ANXA9: variants seen among roughly 807,000 people sequenced by gnomAD.
The protein encoded by ANXA9 is annexin A9, also known as annexin 31.
In ANXA9, 47 loss-of-function variants were observed where a neutral mutation model predicts 51.8. The observed-to-expected ratio is 0.91, with a 90% CI of 0.72 to 1.16. The LOEUF is 1.16. ANXA9 is among the 50% of genes most tolerant of loss of function. The pLI, the probability that ANXA9 is intolerant of heterozygous loss-of-function variation, is 0.00. For missense variants in ANXA9, 361 were observed against 424.7 expected (o/e 0.85, Z 1.32); for synonymous variants, 154 against 168.7 (o/e 0.91, Z 0.68).
At chr1:150,990,569 G>A (rs1364466604) in intron 12 of ANXA9, among the ~76,000 whole-genome samples, 2 of 152,180 alleles carry the variant, frequency 1.3e-5, no homozygotes, top group African/African-American at 4.8e-5. Context: ...AACTCGGGCT[G>A]GGCGCTGTGG....
Position 150,990,243 on chromosome 1 carries a change from A to G in ANXA9, c.852+1902A>G, listed in dbSNP as rs186567522. ...GGAGGATTGCTTGAGCCCATGAATTAGAAGTTACAGTGAGCTGTGATTACT... is the reference window on the plus strand; with the variant it reads ...GGAGGATTGCTTGAGCCCATGAATTGGAAGTTACAGTGAGCTGTGATTACT... On this transcript the variant is annotated intron_variant, in intron 12 of 13. Coordinates refer to ENST00000368947, the MANE Select transcript of ANXA9 (RefSeq NM_003568.3). Among the ~76,000 whole-genome samples the G allele has an allele frequency of 1.6e-3, 239 of 151,774 alleles. 10 individuals carry two copies. Among genetic ancestry groups the G allele is most frequent in the African/African-American group, 5.6e-3 (231 of 41,260 alleles).
chr1:150,983,445 T>G lies in ANXA9; in HGVS notation c.172+11T>G, dbSNP rs958811760. 1.0e-5 allele frequency: 16 copies of G among 1,600,256 alleles called. No individual in the cohort carries two copies. Among genetic ancestry groups the G allele is most frequent in the African/African-American group, 1.3e-5 (1 of 74,600 alleles). ...CCATTACTGGCCAAGGTGAGCCCCTTTCCCCCGGCACTTGAGACTGCCTTT... is the reference window on the plus strand; with the variant it reads ...CCATTACTGGCCAAGGTGAGCCCCTGTCCCCCGGCACTTGAGACTGCCTTT... On this transcript the variant is annotated intron_variant, in intron 4 of 13. Coordinates refer to ENST00000368947, the MANE Select transcript of ANXA9 (RefSeq NM_003568.3).
At chr1:150,980,908 T>G (rs1287598872), upstream of ANXA9, among the ~76,000 whole-genome samples, 1 of 151,934 alleles carries the variant, frequency 6.6e-6, no homozygotes, top group Non-Finnish European at 1.5e-5. Flanking sequence ...TTTATTTATT[T>G]ATTTATTTTT....
chr1:150,979,486 C>G (rs1188104770), upstream of ANXA9, among the ~76,000 whole-genome samples: 1 of 152,140 alleles, frequency 6.6e-6, no homozygotes. Flanking sequence ...TCGGGGGCTC[C>G]CCTGAGTAGG....
chr1:150,986,231 T>A, intron 7 of ANXA9, 105 bp from the exon 8 acceptor site: 1 of 951,462 alleles, frequency 1.1e-6, no homozygotes, highest in South Asian at 1.4e-5. Flanking sequence ...AAGCAGGGGC[T>A]AGCAGGGCTG....
At chr1:150,993,689 C>T (rs1671763726) in intron 12 of ANXA9, among the ~76,000 whole-genome samples, 1 of 137,060 alleles carries the variant, frequency 7.3e-6, no homozygotes, top group Admixed American at 8.3e-5. Context: ...GGTTGGAGTG[C>T]AGTGGCGCGA....
chr1:150,991,198 GA>G (rs1558041169), intron 12 of ANXA9, among the ~76,000 whole-genome samples: 2 of 150,088 alleles, frequency 1.3e-5, no homozygotes, highest in Admixed American at 6.7e-5. Flanking sequence ...AATAAATAAG[GA>G]AAAAATCATG....
chr1:150,979,286 C>G (rs1427952526), upstream of ANXA9, among the ~76,000 whole-genome samples: 4 of 151,838 alleles, frequency 2.6e-5, no homozygotes, highest in Non-Finnish European at 4.4e-5. Context: ...TGGAGAGATT[C>G]GGCGTGAGGA....
At chr1:150,994,785 T>G in intron 13 of ANXA9, 86 bp downstream of exon 13, 2 of 1,554,098 alleles carry the variant, frequency 1.3e-6, no homozygotes, top group Admixed American at 1.9e-5. Context: ...CTGAGCATAT[T>G]CTTGCCCCAT....
Position 150,995,383 on chromosome 1 carries a change from C to G in ANXA9, c.*61C>G, listed in dbSNP as rs1209239136. On this transcript the variant is annotated 3_prime_UTR_variant, in exon 14 of 14. Transcript: ENST00000368947. ...TCTGAGATTTCCGTGTTTGGCTGAA[C>G]CTGGGAGACCAGCTGGGCCTCCAAG... The G allele has an allele frequency of 6.6e-7, 1 of 1,514,230 alleles. No individual in the cohort carries two copies. Among genetic ancestry groups the G allele is most frequent in the Non-Finnish European group, 9.0e-7 (1 of 1,116,724 alleles). The allele number at this position is 1,514,230 out of a possible 1,614,324, so 93.8% of individuals were successfully genotyped here.
chr1:150,987,692 C>T (rs587661367), intron 9 of ANXA9, among the ~76,000 whole-genome samples, 180 bp from the exon 10 acceptor site: 54 of 150,406 alleles, frequency 3.6e-4, no homozygotes, highest in African/African-American at 1.1e-3. Context: ...CACACCATTG[C>T]ACTCCAGCCT....
intron 5 of ANXA9, 63 bp from the exon 6 acceptor site, chr1:150,984,218 C>G: frequency 6.4e-7 from 1 of 1,561,580 alleles, no homozygotes; most frequent in South Asian, 1.1e-5. Flanking sequence ...CCCAAACCTC[C>G]CCACACTTCT....
At chr1:150,987,543 C>G (rs1280816525) in intron 9 of ANXA9, among the ~76,000 whole-genome samples, 5 of 151,740 alleles carry the variant, frequency 3.3e-5, no homozygotes, top group Admixed American at 6.6e-5. Context: ...GCCTAGCCAA[C>G]ATGGTGAAAC....
In ANXA9 at chr1:150,983,322, C is replaced by T; in HGVS notation, c.76-16C>T. On this transcript the variant is annotated splice_polypyrimidine_tract_variant and intron_variant, in intron 3 of 13. Transcript: ENST00000368947. ...GCCTGGCCCTGGCCCTTGCCAACTA[C>T]CCTGTGCTCCCACAGACTGCAGCGT... The T allele has an allele frequency of 6.2e-7, 1 of 1,613,262 alleles. No homozygotes were observed. Among genetic ancestry groups the T allele is most frequent in the Non-Finnish European group, 8.5e-7 (1 of 1,179,560 alleles).
chr1:150,986,766 C>A (rs1671570543), intron 9 of ANXA9, 105 bp downstream of exon 9: 4 of 1,152,110 alleles, frequency 3.5e-6, no homozygotes, highest in Non-Finnish European at 3.7e-6. Flanking sequence ...TCCCGCAAAC[C>A]CATCCCTGCC....
At chr1:150,986,230 C>A (rs1276777839) in intron 7 of ANXA9, 106 bp from the exon 8 acceptor site, 2 of 936,310 alleles carry the variant, frequency 2.1e-6, no homozygotes, top group African/African-American at 1.6e-5. Flanking sequence ...CAAGCAGGGG[C>A]TAGCAGGGCT....
rs776613395 is a variant in ANXA9 at position 150,986,600 on chromosome 1, AG to A, written c.557del. On this transcript the variant is annotated splice_acceptor_variant, in intron 8 of 13. Transcript: ENST00000368947. LOFTEE classifies it high-confidence loss of function. Reference sequence around the variant, plus strand: ...CCCTCTAAGAACAGTTTCTCCTCCTAGGGGGGCCGTGACAGCTACTCTGGAA... The same window carrying A: ...CCCTCTAAGAACAGTTTCTCCTCCTAGGGGGCCGTGACAGCTACTCTGGAA... 17 of 1,607,460 alleles carry A rather than the reference AG, an allele frequency of 1.1e-5. No individual in the cohort carries two copies. Among genetic ancestry groups the A allele is most frequent in the African/African-American group, 2.7e-5 (2 of 74,394 alleles).
Position 150,983,397 on chromosome 1 carries a change from G to T in ANXA9, c.135G>T (p.Lys45Asn). Residue 45 changes from lysine (K) to asparagine (N), a missense_variant, in exon 4 of 14, where the codon AAG (lysine) becomes AAT (asparagine). Physicochemically the swap from Lys to Asn is moderately conservative, Grantham distance 94. Coordinates refer to ENST00000368947, the MANE Select transcript of ANXA9 (RefSeq NM_003568.3). ...LRTFLNFSVD[K>N]DAQRLLRAIT... is the part of the protein sequence containing the mutation. ...CCTTCTTGAACTTCAGCGTGGACAA[G>T]GATGCGCAGAGGCTACTGAGGGCCA... 1 of 1,613,900 alleles carries T rather than the reference G, an allele frequency of 6.2e-7. No individual in the cohort carries two copies. The highest frequency in any genetic ancestry group is 2.2e-5 in the East Asian group (1 of 44,876).
At chr1:150,994,318 C>A (rs1671779604) in intron 12 of ANXA9, among the ~76,000 whole-genome samples, 1 of 152,136 alleles carries the variant, frequency 6.6e-6, no homozygotes, top group Non-Finnish European at 1.5e-5. Flanking sequence ...CAGCTCTAAG[C>A]TAATGGTAGG....
Sources: allele counts gnomAD v4.1 joint callset (sites outside exome capture counted in the v4.1 genomes callset), GRCh38; gene constraint gnomAD v4.1.1; transcripts MANE v1.5; gene names NCBI Gene and HGNC (gene_info 2026-07-23, HGNC 2026-07-21).